The following CRYBG1 variants were observed in gnomAD, a reference collection of about 807,000 sequenced individuals.
CRYBG1 encodes the protein crystallin beta-gamma domain containing 1.
In CRYBG1, 139 loss-of-function variants were observed where a neutral mutation model predicts 189.2. The ratio of observed to expected loss-of-function variants is 0.73; its 90% CI spans 0.64 to 0.85. CRYBG1 has a LOEUF of 0.85. Among genes scored for constraint, CRYBG1 ranks in the 40% least tolerant of loss-of-function variants. The pLI, the probability that CRYBG1 is intolerant of heterozygous loss-of-function variation, is 0.00. For synonymous variants in CRYBG1, 1,023 were observed against 1,017.1 expected, an observed-to-expected ratio of 1.01 and a Z score of -0.11; for missense variants, 2,611 against 2,675.8, an observed-to-expected ratio of 0.98 and a Z score of 0.53.
rs1281450474 is a variant in CRYBG1 at position 106,520,040 on chromosome 6, T to C, written c.2832T>C (p.Ala944=). The C allele has an allele frequency of 6.2e-7, 1 of 1,614,176 alleles. No homozygotes were observed. Among genetic ancestry groups the C allele is most frequent in the Admixed American group, 1.7e-5 (1 of 60,022 alleles). The part of the protein sequence containing the change: ...PPLSTERSPE[A]VGSECPSRVL... Reference sequence around the variant, plus strand: ...TGTCCACAGAGCGTAGTCCAGAAGCTGTGGGAAGTGAGTGTCCATCCAGAG... The same window carrying C: ...TGTCCACAGAGCGTAGTCCAGAAGCCGTGGGAAGTGAGTGTCCATCCAGAG... The change falls in exon 4 of 22, where the codon GCT becomes GCC. Residue 944 remains alanine (A), a synonymous_variant. Coordinates refer to ENST00000633556, the MANE Select transcript of CRYBG1 (RefSeq NM_001371242.2).
chr6:106,469,010 G>C (rs1772169243), intron 2 of CRYBG1, among the ~76,000 whole-genome samples: 1 of 152,206 alleles, frequency 6.6e-6, no homozygotes, highest in Non-Finnish European at 1.5e-5. Context: ...ACACTTGGAA[G>C]AGAGCGTTCC....
chr6:106,482,230 C>A (rs1337955802), intron 2 of CRYBG1, among the ~76,000 whole-genome samples: 1 of 152,206 alleles, frequency 6.6e-6, no homozygotes, highest in African/African-American at 2.4e-5. Flanking sequence ...AGAGAGACAA[C>A]CTGTGATGCT....
At chr6:106,547,342 A>G (rs1774288286) in intron 13 of CRYBG1, among the ~76,000 whole-genome samples, 1 of 152,238 alleles carries the variant, frequency 6.6e-6, no homozygotes, top group African/African-American at 2.4e-5. Flanking sequence ...AAAGCATTGT[A>G]TTATGTCCTC....
intron 2 of CRYBG1, among the ~76,000 whole-genome samples, chr6:106,486,529 T>C (rs1772595135): frequency 6.6e-6 from 1 of 152,192 alleles, no homozygotes; most frequent in African/African-American, 2.4e-5. Flanking sequence ...GAAAGTGTAG[T>C]GTTGAAGCCC....
intron 20 of CRYBG1, among the ~76,000 whole-genome samples, 173 bp from the exon 21 acceptor site, chr6:106,563,591 G>T (rs577322266): frequency 1.3e-5 from 2 of 152,300 alleles, no homozygotes; most frequent in South Asian, 4.1e-4. Context: ...GAAATAAATG[G>T]CATAAATATT....
rs1350862841 is a variant in CRYBG1 at position 106,423,694 on chromosome 6, C to CTTTTTTTTTTTTT, written c.174-28000_174-27999insTTTTTTTTTTTTT. ...CCCTCCAGTCCTCAGTTCTCCCTCC[C>CTTTTTTTTTTTTT]CTTTTTTTTTTTTTTTTTTTTTTTT... On this transcript the variant is annotated intron_variant, in intron 1 of 21. Transcript: ENST00000633556. 7.9e-5 allele frequency among the ~76,000 whole-genome samples: 8 copies of CTTTTTTTTTTTTT among 101,246 alleles called. 4 individuals carry two copies. The highest frequency in any genetic ancestry group is 1.1e-4 in the Non-Finnish European group (6 of 53,574). 66.4% of individuals were successfully genotyped at this position (101,246 alleles called of 152,430 possible). A position where few individuals can be genotyped will look rare whatever the true frequency, so the allele number is the denominator to read the frequency against.
chr6:106,447,572 A>C (rs1006373748), intron 1 of CRYBG1, among the ~76,000 whole-genome samples: 50 of 143,882 alleles, frequency 3.5e-4, no homozygotes, highest in Non-Finnish European at 6.3e-4. Flanking sequence ...ATATATATAT[A>C]TCTACTATGT....
chr6:106,561,449 C>A lies in CRYBG1; in HGVS notation c.6087C>A (p.Val2029=), dbSNP rs200448332. The A allele has an allele frequency of 3.1e-6, 5 of 1,613,932 alleles. No individual in the cohort carries two copies. In the African/African-American group the frequency reaches 6.7e-5, roughly 22 times the overall value. ...TGAGGATACAGGTCATGGAGGATGT[C>A]GGGGCCGATGATCAGATTTGGATCT... ...KLLRIQVMED[V]GADDQIWIYQ... The change falls in exon 20 of 22, where the codon GTC becomes GTA. Residue 2029 remains valine, a synonymous_variant. Coordinates refer to ENST00000633556, the MANE Select transcript of CRYBG1 (RefSeq NM_001371242.2).
At chr6:106,565,119 A>C (rs1774842558) in intron 21 of CRYBG1, among the ~76,000 whole-genome samples, 1 of 152,098 alleles carries the variant, frequency 6.6e-6, no homozygotes, top group Admixed American at 6.5e-5. Flanking sequence ...GGAGATCGAG[A>C]CCATCCTGGC....
chr6:106,509,071 A>G (rs961703828), intron 2 of CRYBG1, among the ~76,000 whole-genome samples: 1 of 152,240 alleles, frequency 6.6e-6, no homozygotes, highest in African/African-American at 2.4e-5. Context: ...TTGACAGGGA[A>G]TGGAATTAAG....
Position 106,558,563 on chromosome 6 carries a change from T to C in CRYBG1, c.5793T>C (p.Thr1931=). The change falls in exon 18 of 22, where the codon ACT becomes ACC. Residue 1931 remains threonine, a synonymous_variant. Transcript: ENST00000633556. ...AAAAGATTGAACTTAATGCAGAAAC[T>C]GTCAATCTCCGATCCCTGGGATTCA... ...KGKKIELNAE[T]VNLRSLGFNT... 6.2e-7 allele frequency: 1 copy of C among 1,613,414 alleles called. No individual in the cohort carries two copies.
rs116436092 is a variant in CRYBG1, at chr6:106,436,167, C to T, written c.174-15527C>T. Among the ~76,000 whole-genome samples the T allele has an allele frequency of 7.6e-3, 916 of 120,376 alleles. 2 individuals carry two copies. The highest frequency in any genetic ancestry group is 0.011 in the Admixed American group (129 of 11,610). 79.0% of individuals were successfully genotyped at this position (120,376 alleles called of 152,430 possible). ...TTTCTTATTATAAGAGAATGAATGT[C>T]AATTTCGGAAAATACAGAAAGAACA... On this transcript the variant is annotated intron_variant, in intron 1 of 21. Coordinates refer to ENST00000633556, the MANE Select transcript of CRYBG1 (RefSeq NM_001371242.2).
Position 106,525,381 on chromosome 6 carries a change from A to G in CRYBG1, c.4407A>G (p.Arg1469=). ...LSPVILIKVV[R]GCWILYEQPN... ...CAGTGATACTCATAAAAGTTGTTAG[A>G]GGATGGTAAGAATGGCACTTTAAGT... Residue 1469 remains arginine, a synonymous_variant, in exon 6 of 22, where the codon AGA becomes AGG. Transcript: ENST00000633556. The G allele has an allele frequency of 6.2e-7, 1 of 1,612,870 alleles. No homozygotes were observed. The highest frequency in any genetic ancestry group is 8.5e-7 in the Non-Finnish European group (1 of 1,178,852).
rs780958460 is a variant in CRYBG1 at position 106,558,648 on chromosome 6, CAAT to C, written c.5855+26_5855+28del. The C allele has an allele frequency of 4.5e-6, 7 of 1,572,854 alleles. No individual in the cohort carries two copies. In the East Asian group the frequency reaches 1.6e-4, roughly 37 times the overall value. ...CATGTGAGTTACCTACTTGTTGACTCAATAAAATAGATCATTTTAAAAATCAAG... is the reference window on the plus strand; with the variant it reads ...CATGTGAGTTACCTACTTGTTGACTCAAAATAGATCATTTTAAAAATCAAG... On this transcript the variant is annotated intron_variant, in intron 18 of 21. Transcript: ENST00000633556.
chr6:106,554,975 G>C (rs1774498477), intron 16 of CRYBG1, among the ~76,000 whole-genome samples: 1 of 152,070 alleles, frequency 6.6e-6, no homozygotes, highest in Admixed American at 6.5e-5. Context: ...GACCAGTCTG[G>C]CCAATATGGT....
intron 13 of CRYBG1, 69 bp downstream of exon 13, chr6:106,545,002 G>T: frequency 7.5e-7 from 1 of 1,327,894 alleles, no homozygotes; most frequent in Non-Finnish European, 1.0e-6. Context: ...ACTGGTAAGA[G>T]TCTATCACAG....
chr6:106,499,577 T>C (rs951583917), intron 2 of CRYBG1, among the ~76,000 whole-genome samples: 1 of 152,148 alleles, frequency 6.6e-6, no homozygotes, highest in African/African-American at 2.4e-5. Context: ...GTATACGTTG[T>C]AATTGTATAC....
intron 9 of CRYBG1, among the ~76,000 whole-genome samples, chr6:106,540,884 C>G (rs1379125847): frequency 6.6e-6 from 1 of 151,994 alleles, no homozygotes. Context: ...TATTTTTGTG[C>G]AATATCTTTT....
intron 8 of CRYBG1, 75 bp from the exon 9 acceptor site, chr6:106,539,328 G>A (rs536275956): frequency 2.4e-5 from 37 of 1,540,002 alleles, no homozygotes; most frequent in Non-Finnish European, 3.2e-5. Context: ...TCTCATCCTG[G>A]GTACCAGACA....
Sources: allele counts gnomAD v4.1 joint callset (sites outside exome capture counted in the v4.1 genomes callset), GRCh38; gene constraint gnomAD v4.1.1; transcripts MANE v1.5; gene names NCBI Gene and HGNC (gene_info 2026-07-23, HGNC 2026-07-21).